AMBN: variants seen among roughly 807,000 people sequenced by gnomAD.
The protein encoded by AMBN is ameloblastin.
A neutral mutation model predicts 48.0 loss-of-function variants in AMBN; 54 were observed. The observed-to-expected ratio is 1.12, with a 90% CI of 0.90 to 1.41. AMBN has a LOEUF of 1.41. Ranked by LOEUF, AMBN falls within the 40% of genes most tolerant of loss-of-function variation. The pLI is 0.00. For missense variants in AMBN, 571 were observed against 547.3 expected, an observed-to-expected ratio of 1.04 and a Z score of -0.43; for synonymous variants, 186 against 190.0, an observed-to-expected ratio of 0.98 and a Z score of 0.17.
chr4:70,602,860 A>G, intron 8 of AMBN, 24 bp downstream of exon 8: 1 of 1,564,678 alleles, frequency 6.4e-7, no homozygotes, highest in Non-Finnish European at 8.7e-7. Flanking sequence ...TCAGTGAGAC[A>G]CTTCTATTTT....
At chr4:70,598,818 A>AG (rs1480139531) in intron 4 of AMBN, among the ~76,000 whole-genome samples, 15 of 151,838 alleles carry the variant, frequency 9.9e-5, no homozygotes, top group Non-Finnish European at 1.9e-4. Flanking sequence ...TCTGTTGCCC[A>AG]GGCTGAAGTG....
chr4:70,601,385 C>G, intron 5 of AMBN, 33 bp from the exon 6 acceptor site: 1 of 1,602,252 alleles, frequency 6.2e-7, no homozygotes, highest in Non-Finnish European at 8.5e-7. Context: ...ATGAGCCATC[C>G]CTTCCTAACA....
Position 70,602,621 on chromosome 4 carries a change from T to A in AMBN, c.532-3T>A. 1 of 1,561,536 alleles carries A rather than the reference T, an allele frequency of 6.4e-7. No individual in the cohort carries two copies. The highest frequency in any genetic ancestry group is 2.3e-5 in the East Asian group (1 of 44,054). On this transcript the variant is annotated splice_polypyrimidine_tract_variant and splice_region_variant and intron_variant, in intron 6 of 12. Coordinates refer to ENST00000322937, the MANE Select transcript of AMBN (RefSeq NM_016519.6). ...ATAATTTTAATATTTATCTGTGATATAGCTCCCAGGAGTAGATTTTGCTGA... is the reference window on the plus strand; with the variant it reads ...ATAATTTTAATATTTATCTGTGATAAAGCTCCCAGGAGTAGATTTTGCTGA...
At position 70,598,409 on chromosome 4, in the gene AMBN, C is replaced by A; in HGVS notation, c.183+6C>A. 1 of 1,581,278 alleles carries A rather than the reference C, an allele frequency of 6.3e-7. No homozygotes were observed. The highest frequency in any genetic ancestry group is 1.2e-5 in the South Asian group (1 of 85,078). ...GATTAAACACACTTTCTCAGGTAAT[C>A]ATATTTCTTATTGCAAGTATTCATG... On this transcript the variant is annotated splice_donor_region_variant and intron_variant, in intron 4 of 12. Transcript: ENST00000322937.
rs781578161 is a variant in AMBN, at chr4:70,598,336, C to T, written c.136-20C>T. ...CACAGCATATGCGATAAACAGTAACCCACTTTTTTTTCTTGATAGACAATG... is the reference window on the plus strand; with the variant it reads ...CACAGCATATGCGATAAACAGTAACTCACTTTTTTTTCTTGATAGACAATG... On this transcript the variant is annotated intron_variant, in intron 3 of 12. Transcript: ENST00000322937. 3 of 1,550,750 alleles carry T rather than the reference C, an allele frequency of 1.9e-6. No homozygotes were observed. The highest frequency in any genetic ancestry group is 4.8e-5 in the East Asian group (2 of 41,850).
chr4:70,606,058 C>A, intron 12 of AMBN, 127 bp from the exon 13 acceptor site: 2 of 1,072,050 alleles, frequency 1.9e-6, no homozygotes, highest in Non-Finnish European at 2.7e-6. Context: ...ACAAAGCTAT[C>A]AATCAGCCAA....
chr4:70,595,474 T>C (rs555672812), intron 2 of AMBN, among the ~76,000 whole-genome samples: 3 of 152,124 alleles, frequency 2.0e-5, no homozygotes, highest in African/African-American at 7.2e-5. Flanking sequence ...TGAGCCACCA[T>C]GCCTGGCCCT....
chr4:70,598,251 G>A, intron 3 of AMBN, 105 bp from the exon 4 acceptor site: 1 of 668,236 alleles, frequency 1.5e-6, no homozygotes, highest in Non-Finnish European at 2.3e-6. Flanking sequence ...TTATTAAATT[G>A]ATTCACACCA....
chr4:70,602,630 G>A lies in AMBN; in HGVS notation c.538G>A (p.Gly180Arg). ...SDKPPKPELP[G>R]VDFADPQGPS... ...ATATTTATCTGTGATATAGCTCCCA[G>A]GAGTAGATTTTGCTGATCCACAAGG... The change falls in exon 7 of 13, where the codon GGA becomes AGA. Residue 180 changes from glycine (G) to arginine (R), a missense_variant. Gly to Arg is a moderately radical substitution (Grantham distance 125, BLOSUM62 -2). Transcript: ENST00000322937. 7.4e-7 allele frequency: 1 copy of A among 1,360,482 alleles called. No individual in the cohort carries two copies. The highest frequency in any genetic ancestry group is 1.5e-5 in the South Asian group (1 of 65,028). 84.3% of individuals were successfully genotyped at this position (1,360,482 alleles called of 1,614,324 possible). A position where few individuals can be genotyped will look rare whatever the true frequency, so the allele number is the denominator to read the frequency against.
chr4:70,594,965 A>T (rs1737356691), intron 2 of AMBN, among the ~76,000 whole-genome samples: 2 of 152,182 alleles, frequency 1.3e-5, no homozygotes, highest in South Asian at 2.1e-4. Context: ...CTTAGAGCAG[A>T]TGGAAAGCAA....
intron 10 of AMBN, 23 bp downstream of exon 10, chr4:70,603,342 T>A (rs373422008): frequency 3.3e-5 from 53 of 1,613,134 alleles, no homozygotes; most frequent in Non-Finnish European, 4.2e-5. Context: ...TAATACCACA[T>A]CTCTGTTTGC....
In AMBN at chr4:70,606,166, C is replaced by A; in HGVS notation, c.799-19C>A. On this transcript the variant is annotated intron_variant, in intron 12 of 12. Transcript: ENST00000322937. ...TAGCATGTGATGATGGCATCTTTGA[C>A]GAATGTTTTTTTTTCCAGGGCGGGA... The A allele has an allele frequency of 6.2e-7, 1 of 1,611,818 alleles. No homozygotes were observed. The highest frequency in any genetic ancestry group is 8.5e-7 in the Non-Finnish European group (1 of 1,178,584).
At chr4:70,597,692 G>A (rs1737417797) in intron 3 of AMBN, among the ~76,000 whole-genome samples, 1 of 151,932 alleles carries the variant, frequency 6.6e-6, no homozygotes, top group South Asian at 2.1e-4. Flanking sequence ...GGTAAGCTGG[G>A]GGCAGTCAAT....
chr4:70,600,006 A>G (rs1737481974), intron 5 of AMBN, among the ~76,000 whole-genome samples: 1 of 152,158 alleles, frequency 6.6e-6, no homozygotes, highest in Non-Finnish European at 1.5e-5. Flanking sequence ...GATGACAATA[A>G]TCCTGGTTAA....
intron 1 of AMBN, 51 bp from the exon 2 acceptor site, chr4:70,593,276 T>C (rs749376645): frequency 3.4e-6 from 5 of 1,469,112 alleles, no homozygotes; most frequent in Non-Finnish European, 4.7e-6. Flanking sequence ...CTTTTAACCA[T>C]TCTGAATAAA....
rs1261262003 is a variant in AMBN at position 70,601,661 on chromosome 4, C to G, written c.531+7C>G. 1 of 1,612,606 alleles carries G rather than the reference C, an allele frequency of 6.2e-7. No individual in the cohort carries two copies. Among genetic ancestry groups the G allele is most frequent in the Non-Finnish European group, 8.5e-7 (1 of 1,178,940 alleles). ...TAAGCCACCAAAGCCTGAGGTACTT[C>G]CTTTCTCTTGAAGTCAGATCAGAAT... On this transcript the variant is annotated splice_region_variant and intron_variant, in intron 6 of 12. Coordinates refer to ENST00000322937, the MANE Select transcript of AMBN (RefSeq NM_016519.6).
In AMBN at chr4:70,603,326, T is replaced by G; in HGVS notation, c.708+7T>G. 1.2e-6 allele frequency: 2 copies of G among 1,613,636 alleles called. No individual in the cohort carries two copies. Among genetic ancestry groups the G allele is most frequent in the South Asian group, 2.2e-5 (2 of 91,018 alleles). On this transcript the variant is annotated splice_region_variant and intron_variant, in intron 10 of 12. Transcript: ENST00000322937. ...ACAAAATAAACAATCTCCAGTAAGT[T>G]TTTTTTAATACCACATCTCTGTTTG...
At chr4:70,603,377 G>A (rs780934616) in intron 10 of AMBN, 39 bp from the exon 11 acceptor site, 14 of 1,612,514 alleles carry the variant, frequency 8.7e-6, no homozygotes, top group African/African-American at 4.0e-5. Context: ...TTTTTCCATT[G>A]GAAAATGCAT....
rs1737528909 is a variant in AMBN, at chr4:70,601,854, C to T, written c.531+200C>T. The T allele has an allele frequency of 4.4e-6, 3 of 689,506 alleles. No homozygotes were observed. In the South Asian group the frequency reaches 4.5e-5, roughly 10 times the overall value. The allele number at this position is 689,506 out of a possible 1,614,324, so 42.7% of individuals were successfully genotyped here. A position where few individuals can be genotyped will look rare whatever the true frequency, so the allele number is the denominator to read the frequency against. On this transcript the variant is annotated intron_variant, in intron 6 of 12. Transcript: ENST00000322937. ...CATTCCTATCTTTTGCCATCAGAGA[C>T]AGGGCATGGATTCTAAAAGATACTG...
Sources: gnomAD v4.1 joint callset for allele counts (sites outside exome capture counted in the v4.1 genomes callset) on GRCh38, gnomAD v4.1.1 for gene constraint, MANE v1.5 for transcripts, NCBI Gene and HGNC (gene_info 2026-07-23, HGNC 2026-07-21) for gene names.